Variants in COL21A1 observed in about 807,000 individuals in gnomAD.
The protein encoded by COL21A1 is collagen alpha-1(XXI) chain.
A neutral mutation model predicts 137.9 loss-of-function variants in COL21A1; 149 were observed. The ratio of observed to expected loss-of-function variants is 1.08; its 90% confidence interval spans 0.95 to 1.24. The LOEUF (loss-of-function observed/expected upper bound fraction) is 1.24. Ranked by LOEUF, COL21A1 falls within the 50% of genes most tolerant of loss-of-function variation. The pLI is 0.00. For synonymous variants in COL21A1, 456 were observed against 391.5 expected (o/e 1.16, Z -1.95); for missense variants, 1,167 against 1,158.4 (o/e 1.01, Z -0.11).
chr6:56,139,326 T>C (rs1455714244), intron 12 of COL21A1, among the ~76,000 whole-genome samples: 1 of 152,162 alleles, frequency 6.6e-6, no homozygotes, highest in Non-Finnish European at 1.5e-5. Flanking sequence ...CAGTAAGTAA[T>C]ACTATGGCTT....
At chr6:56,335,858 A>G (rs2152344290) in intron 1 of COL21A1, among the ~76,000 whole-genome samples, 1 of 152,326 alleles carries the variant, frequency 6.6e-6, no homozygotes, top group Non-Finnish European at 1.5e-5. Flanking sequence ...CTTCCAAGGT[A>G]ATTGCCAAGG....
At chr6:56,204,789 C>A (rs1161022801) in intron 1 of COL21A1, among the ~76,000 whole-genome samples, 2 of 152,162 alleles carry the variant, frequency 1.3e-5, no homozygotes, top group South Asian at 2.1e-4. Context: ...AAGGAACAGG[C>A]AGCAATTTTT....
Position 56,125,553 on chromosome 6 carries a change from T to C in COL21A1, c.1650+14A>G. The stretch of plus-strand genomic sequence containing the variant: ...AGTTCAATATGAATACTTTGTTGTG[T>C]GATCTATACTTCCCTTTTTGCCATA... On this transcript the variant is annotated intron_variant, in intron 14 of 29. Transcript: ENST00000244728. The C allele has an allele frequency of 6.3e-7, 1 of 1,580,118 alleles. No individual in the cohort carries two copies. The highest frequency in any genetic ancestry group is 8.7e-7 in the Non-Finnish European group (1 of 1,155,804).
chr6:56,085,699 T>C (rs1562170496), intron 17 of COL21A1, among the ~76,000 whole-genome samples: 1 of 152,000 alleles, frequency 6.6e-6, no homozygotes, highest in Non-Finnish European at 1.5e-5. Context: ...TCACATGCAG[T>C]TGCCATTAAA....
chr6:56,213,139 T>C (rs557362396), intron 1 of COL21A1, among the ~76,000 whole-genome samples: 1 of 152,258 alleles, frequency 6.6e-6, no homozygotes, highest in Admixed American at 6.5e-5. Context: ...TGGTTGTTTC[T>C]ACAACAAAAG....
intron 3 of COL21A1, among the ~76,000 whole-genome samples, chr6:56,173,267 A>G (rs1777202915): frequency 6.6e-6 from 1 of 152,070 alleles, no homozygotes; most frequent in Admixed American, 6.6e-5. Context: ...AGTCTCAGCT[A>G]CTCAGGAGGC....
At chr6:56,295,539 G>T (rs1033104640) in intron 1 of COL21A1, among the ~76,000 whole-genome samples, 1 of 151,968 alleles carries the variant, frequency 6.6e-6, no homozygotes, top group African/African-American at 2.4e-5. Flanking sequence ...AGGAGGAAAT[G>T]ACATCTTAAT....
chr6:56,174,038 T>C (rs1679460085), intron 3 of COL21A1, among the ~76,000 whole-genome samples: 1 of 152,050 alleles, frequency 6.6e-6, no homozygotes, highest in African/African-American at 2.4e-5. Context: ...AGGAGGAAAA[T>C]TGAAAAATTC....
chr6:56,107,752 T>C (rs989240393), intron 16 of COL21A1, among the ~76,000 whole-genome samples: 1 of 152,150 alleles, frequency 6.6e-6, no homozygotes, highest in Non-Finnish European at 1.5e-5. Context: ...CAGAATACTG[T>C]ATTCACAAGC....
chr6:56,151,225 C>CAAACA (rs1311611564), intron 10 of COL21A1, among the ~76,000 whole-genome samples: 1 of 152,008 alleles, frequency 6.6e-6, no homozygotes, highest in East Asian at 1.9e-4. Context: ...GACTCTGTCT[C>CAAACA]AAACAAAACA....
At chr6:56,174,643 G>C (rs1412682672) in intron 3 of COL21A1, among the ~76,000 whole-genome samples, 1 of 151,916 alleles carries the variant, frequency 6.6e-6, no homozygotes, top group East Asian at 1.9e-4. Flanking sequence ...TATAACTAGA[G>C]ATTAAAGGAA....
At chr6:56,306,231 G>A (rs1346298716) in intron 1 of COL21A1, among the ~76,000 whole-genome samples, 1 of 141,508 alleles carries the variant, frequency 7.1e-6, no homozygotes, top group African/African-American at 2.5e-5. Flanking sequence ...TTCTCGAGGA[G>A]TATCTTTGTG....
chr6:56,136,899 C>T (rs9475572), intron 12 of COL21A1, among the ~76,000 whole-genome samples: 11 of 152,162 alleles, frequency 7.2e-5, no homozygotes, highest in African/African-American at 2.4e-4. Flanking sequence ...TCAGCACGAC[C>T]GTGGGTACTC....
chr6:56,216,436 G>A (rs960899712), intron 1 of COL21A1, among the ~76,000 whole-genome samples: 2 of 151,980 alleles, frequency 1.3e-5, no homozygotes, highest in African/African-American at 4.8e-5. Flanking sequence ...GCTCACACAC[G>A]CCTAACTTTC....
rs188760858 is a variant in COL21A1, at chr6:56,091,899, C to G, written c.1812+9573G>C. On this transcript the variant is annotated intron_variant, in intron 17 of 29. Coordinates refer to ENST00000244728, the MANE Select transcript of COL21A1 (RefSeq NM_030820.4). The stretch of plus-strand genomic sequence containing the variant: ...TTTTTCAACTACTGGTAAATTTATT[C>G]TACTGTTGCCCTCATGTTGCTCTGT... Among the ~76,000 whole-genome samples, 330 of 152,208 alleles carry G rather than the reference C, an allele frequency of 2.2e-3. 2 individuals are homozygous for G. The highest frequency in any genetic ancestry group is 7.7e-3 in the African/African-American group (319 of 41,548).
intron 16 of COL21A1, among the ~76,000 whole-genome samples, chr6:56,111,576 A>C (rs2152188201): frequency 6.6e-6 from 1 of 152,152 alleles, no homozygotes; most frequent in South Asian, 2.1e-4. Flanking sequence ...CCACACTAAA[A>C]ACTTTGGCCA....
rs186487067 is a variant in COL21A1, at chr6:56,179,746, C to T, written c.472G>A (p.Ala158Thr). 9 of 1,613,908 alleles carry T rather than the reference C, an allele frequency of 5.6e-6. No individual in the cohort carries two copies. The Admixed American group carries it at 8.3e-5, about 15-fold the overall frequency. Reference sequence around the variant, plus strand: ...AATAATGTTATCTTACTATCTCTTGCTGCTTGAGCTGCATCCTTGACGTCA... The same window carrying T: ...AATAATGTTATCTTACTATCTCTTGTTGCTTGAGCTGCATCCTTGACGTCA... ...QDDVKDAAQAARDSKITLFAI... is the reference protein window; with the variant it reads ...QDDVKDAAQATRDSKITLFAI... The change falls in exon 3 of 30, where the codon GCA (alanine) becomes ACA (threonine). Residue 158 changes from alanine to threonine, a missense_variant. Ala to Thr is a moderately conservative substitution (Grantham distance 58). Transcript: ENST00000244728.
At chr6:56,304,637 G>T (rs1035657260) in intron 1 of COL21A1, among the ~76,000 whole-genome samples, 1 of 151,734 alleles carries the variant, frequency 6.6e-6, no homozygotes, top group Admixed American at 6.6e-5. Context: ...TTCTTTATTA[G>T]TCTTGCTAGC....
At chr6:56,338,244 G>A (rs151015385) in intron 1 of COL21A1, among the ~76,000 whole-genome samples, 16 of 152,164 alleles carry the variant, frequency 1.1e-4, no homozygotes, top group East Asian at 7.8e-4. Flanking sequence ...GATTACAGGC[G>A]TGAGGGGTTT....
Sources: allele counts gnomAD v4.1 joint callset (sites outside exome capture counted in the v4.1 genomes callset), GRCh38; gene constraint gnomAD v4.1.1; transcripts MANE v1.5; gene names NCBI Gene and HGNC (gene_info 2026-07-23, HGNC 2026-07-21).